Variants in CTNND2 observed in about 807,000 individuals in gnomAD.
The protein encoded by CTNND2 is catenin delta 2.
CTNND2 carries 22 observed loss-of-function variants against 144.4 expected under a neutral mutation model. That is an observed-to-expected ratio of 0.15 (90% CI 0.11 to 0.22). CTNND2 has a LOEUF of 0.22. CTNND2 is among the 10% of genes least tolerant of loss of function. The pLI is 1.00. For missense variants in CTNND2, 1,353 were observed against 1,618.8 expected (o/e 0.84, Z 2.82); for synonymous variants, 751 against 695.6 (o/e 1.08, Z -1.25).
intron 3 of CTNND2, among the ~76,000 whole-genome samples, chr5:11,497,475 T>C (rs921599419): frequency 4.2e-5 from 5 of 117,750 alleles, no homozygotes; most frequent in African/African-American, 1.7e-4. Context: ...AAGACAGGAA[T>C]GATATGTTGA....
intron 12 of CTNND2, among the ~76,000 whole-genome samples, chr5:11,148,622 C>T (rs575685298): frequency 1.3e-5 from 2 of 152,308 alleles, no homozygotes; most frequent in Admixed American, 6.5e-5. Context: ...TCTCCAGCAG[C>T]GTCCCTGCCT....
chr5:11,300,360 G>C (rs567052356), intron 9 of CTNND2, among the ~76,000 whole-genome samples: 1 of 152,286 alleles, frequency 6.6e-6, no homozygotes, highest in Admixed American at 6.5e-5. Flanking sequence ...AACTATTCTG[G>C]TGGCCCTCTG....
At chr5:11,020,497 ATAAATAAATTC>A (rs1293107894) in intron 17 of CTNND2, among the ~76,000 whole-genome samples, 1 of 152,170 alleles carries the variant, frequency 6.6e-6, no homozygotes, top group African/African-American at 2.4e-5. Context: ...TTGATTTTCA[ATAAATAAATTC>A]TATTTCCTTA....
chr5:11,832,375 T>A (rs1253097200), intron 1 of CTNND2, among the ~76,000 whole-genome samples: 2 of 151,950 alleles, frequency 1.3e-5, no homozygotes, highest in Non-Finnish European at 2.9e-5. Context: ...TGGGAGAAGA[T>A]ATCTCCAAAG....
intron 2 of CTNND2, among the ~76,000 whole-genome samples, chr5:11,731,363 G>A (rs1055582310): frequency 6.6e-6 from 1 of 152,168 alleles, no homozygotes; most frequent in Non-Finnish European, 1.5e-5. Flanking sequence ...CTGCTGAGAT[G>A]TTCCTGGAGT....
intron 9 of CTNND2, among the ~76,000 whole-genome samples, chr5:11,316,527 C>A (rs1751514717): frequency 6.7e-6 from 1 of 149,680 alleles, no homozygotes; most frequent in South Asian, 2.1e-4. Flanking sequence ...TTTTAGGGTA[C>A]ATGTGCACAA....
At chr5:11,273,121 C>T (rs1746187334) in intron 9 of CTNND2, among the ~76,000 whole-genome samples, 1 of 152,112 alleles carries the variant, frequency 6.6e-6, no homozygotes, top group African/African-American at 2.4e-5. Context: ...TGTTTTCTCT[C>T]CTGTTATATA....
chr5:11,467,675 T>C (rs895935697), intron 3 of CTNND2, among the ~76,000 whole-genome samples: 1 of 152,202 alleles, frequency 6.6e-6, no homozygotes, highest in African/African-American at 2.4e-5. Context: ...GGGGGTAACA[T>C]TTTACTTAGA....
intron 10 of CTNND2, among the ~76,000 whole-genome samples, chr5:11,231,071 T>C (rs966531450): frequency 1.3e-5 from 2 of 152,146 alleles, no homozygotes; most frequent in East Asian, 3.9e-4. Context: ...CATGGTGTTC[T>C]CGTGATAATG....
intron 2 of CTNND2, among the ~76,000 whole-genome samples, chr5:11,662,500 C>T (rs773785986): frequency 2.6e-5 from 4 of 151,910 alleles, no homozygotes; most frequent in African/African-American, 9.7e-5. Context: ...AGACTTTTCA[C>T]GATTTTCTGC....
In CTNND2 at chr5:11,633,511, C is replaced by T. The variant is rs1246785747; in HGVS notation, c.175-68455G>A. Among the ~76,000 whole-genome samples the T allele has an allele frequency of 3.3e-5, 5 of 152,314 alleles. No homozygotes were observed. In the South Asian group the frequency reaches 8.3e-4, roughly 25 times the overall value. ...ATATTAGATAGGCCAGGCACGGTGG[C>T]TCATGCCGGTAATCCCTGCACTTTG... On this transcript the variant is annotated intron_variant, in intron 2 of 21. Transcript: ENST00000304623.
chr5:11,623,443 G>T (rs1780958663), intron 2 of CTNND2, among the ~76,000 whole-genome samples: 1 of 151,852 alleles, frequency 6.6e-6, no homozygotes, highest in African/African-American at 2.4e-5. Flanking sequence ...TTGCCGCCGT[G>T]TAAGATGTGC....
intron 1 of CTNND2, among the ~76,000 whole-genome samples, chr5:11,778,964 TAAGCAGAA>T (rs1201073243): frequency 6.6e-6 from 1 of 152,210 alleles, no homozygotes; most frequent in Non-Finnish European, 1.5e-5. Context: ...AAAATCAGTT[TAAGCAGAA>T]ACACTGGCAA....
chr5:11,588,739 A>T, intron 2 of CTNND2: 1 of 984,638 alleles, frequency 1.0e-6, no homozygotes, highest in Non-Finnish European at 1.2e-6. Context: ...TTTTACCTTT[A>T]CTGTACCTTT....
chr5:11,022,695 G>A (rs909766344), intron 17 of CTNND2, 74 bp downstream of exon 17: 54 of 1,096,086 alleles, frequency 4.9e-5, no homozygotes, highest in Middle Eastern at 2.9e-4. Context: ...AGTACTACCC[G>A]TCATCAGGAG....
chr5:11,888,484 C>T (rs2127091347), intron 1 of CTNND2, among the ~76,000 whole-genome samples: 1 of 152,268 alleles, frequency 6.6e-6, no homozygotes, highest in South Asian at 2.1e-4. Flanking sequence ...GCACATCTCC[C>T]TTAGTATTTG....
chr5:11,720,889 T>C (rs1786638687), intron 2 of CTNND2, among the ~76,000 whole-genome samples: 1 of 152,154 alleles, frequency 6.6e-6, no homozygotes, highest in Non-Finnish European at 1.5e-5. Flanking sequence ...CCTCATAAAA[T>C]ACAGAAACAG....
intron 3 of CTNND2, among the ~76,000 whole-genome samples, chr5:11,533,211 C>T (rs756336076): frequency 7.9e-5 from 12 of 152,210 alleles, no homozygotes; most frequent in African/African-American, 7.2e-5. Context: ...TTCTGTCAAA[C>T]GCAAGACTTC....
intron 3 of CTNND2, among the ~76,000 whole-genome samples, chr5:11,455,622 C>T (rs984805859): frequency 2.6e-5 from 4 of 152,172 alleles, no homozygotes; most frequent in Non-Finnish European, 4.4e-5. Context: ...TCAATTCCTC[C>T]TCCTTCCTCC....
Sources: gnomAD v4.1 joint callset for allele counts (sites outside exome capture counted in the v4.1 genomes callset) on GRCh38, gnomAD v4.1.1 for gene constraint, MANE v1.5 for transcripts, NCBI Gene and HGNC (gene_info 2026-07-23, HGNC 2026-07-21) for gene names.